Variants in HIVEP2 observed in about 807,000 individuals in gnomAD.
HIVEP2 encodes transcription factor HIVEP2.
A neutral mutation model predicts 180.7 loss-of-function variants in HIVEP2; 14 were observed. That is an observed-to-expected ratio of 0.08 (90% CI 0.05 to 0.12). The LOEUF (loss-of-function observed/expected upper bound fraction) is 0.12. Ranked by LOEUF, HIVEP2 falls within the 10% of genes least tolerant of loss-of-function variation. The pLI is 1.00. For synonymous variants in HIVEP2, 1,184 were observed against 1,136.4 expected (o/e 1.04, Z -0.84); for missense variants, 2,579 against 3,008.5 (o/e 0.86, Z 3.34).
At chr6:142,811,132 C>T (rs887417937) in intron 2 of HIVEP2, among the ~76,000 whole-genome samples, 4 of 152,146 alleles carry the variant, frequency 2.6e-5, no homozygotes, top group Admixed American at 6.5e-5. Context: ...ATTCAAAGAA[C>T]AGTACATCAG....
At chr6:142,817,380 G>T (rs779047151) in intron 2 of HIVEP2, among the ~76,000 whole-genome samples, 1 of 152,118 alleles carries the variant, frequency 6.6e-6, no homozygotes, top group Non-Finnish European at 1.5e-5. Context: ...ATCTCATTTG[G>T]AGACGACCAG....
intron 1 of HIVEP2, among the ~76,000 whole-genome samples, chr6:142,876,425 G>C (rs1426745986): frequency 1.3e-5 from 2 of 152,090 alleles, no homozygotes; most frequent in African/African-American, 4.8e-5. Context: ...TGCTAAAAGA[G>C]AGTTATTGTA....
chr6:142,937,503 T>A (rs1413118933), intron 1 of HIVEP2, among the ~76,000 whole-genome samples: 1 of 152,122 alleles, frequency 6.6e-6, no homozygotes, highest in Non-Finnish European at 1.5e-5. Flanking sequence ...ATACCCAAAT[T>A]CCCCCAGGTG....
intron 1 of HIVEP2, among the ~76,000 whole-genome samples, chr6:142,859,559 C>T (rs62430712): frequency 0.18 from 26,887 of 151,222 alleles, 2,558 homozygotes; most frequent in South Asian, 0.22. Context: ...TGAGGCAGGA[C>T]GCGGTGGCTC....
chr6:142,842,281 A>T (rs1375376640), intron 1 of HIVEP2, among the ~76,000 whole-genome samples: 1 of 152,204 alleles, frequency 6.6e-6, no homozygotes, highest in Non-Finnish European at 1.5e-5. Context: ...AAAATATGTT[A>T]AACCTAAGTT....
upstream of HIVEP2, chr6:142,945,285 C>G: frequency 6.6e-6 from 1 of 152,462 alleles, no homozygotes; most frequent in Non-Finnish European, 1.5e-5. This position sits in a 1 kb window ranked among gnomAD's most constrained non-coding sequence, Gnocchi z 5.5. Context: ...GGGTATTCCC[C>G]GCATTTCCCC....
rs1775506684 is a variant in HIVEP2 at position 142,770,624 on chromosome 6, T to C, written c.4115A>G (p.Asn1372Ser). 1 of 1,614,248 alleles carries C rather than the reference T, an allele frequency of 6.2e-7. No individual in the cohort carries two copies. The highest frequency in any genetic ancestry group is 1.1e-5 in the South Asian group (1 of 91,088). The change falls in exon 5 of 10, where the codon AAT (asparagine) becomes AGT (serine). Residue 1372 changes from asparagine (N) to serine (S), a missense_variant. This residue lies in a region of HIVEP2 where 523 missense variants were observed against 577.0 expected (regional missense o/e 0.91). Coordinates refer to ENST00000367603, the MANE Select transcript of HIVEP2 (RefSeq NM_006734.4). This position sits in a 1 kb window ranked among gnomAD's most constrained non-coding sequence, Gnocchi z 4.7. ...GGTGACCAGTGTCCTTTGGGTCATA[T>C]TCTCATCGACTTTGCATATGACAAT... ...PAIVICKVDENMTQRTLVTNA... is the reference protein window; with the variant it reads ...PAIVICKVDESMTQRTLVTNA...
intron 2 of HIVEP2, among the ~76,000 whole-genome samples, chr6:142,798,060 A>G (rs1210225618): frequency 2.0e-5 from 3 of 152,118 alleles, no homozygotes; most frequent in Non-Finnish European, 1.5e-5. Flanking sequence ...CTGAGAAGCC[A>G]TAAGGAATTC....
chr6:142,761,518 G>T lies in HIVEP2; in HGVS notation c.5566C>A (p.Leu1856Met). Reference sequence around the variant, plus strand: ...GATGTCATTGAGACTCCCAATTCCAGGCATTTTTTCATGTGTGCTTTAGAT... The same window carrying T: ...GATGTCATTGAGACTCCCAATTCCATGCATTTTTTCATGTGTGCTTTAGAT... ...MKSKAHMKKC[L>M]ELGVSMTSVD... The change falls in exon 8 of 10, where the codon CTG becomes ATG. Residue 1856 changes from leucine to methionine, a missense_variant. By Grantham distance (15) the Leu-to-Met change is conservative. Transcript: ENST00000367603. 2 of 1,610,578 alleles carry T rather than the reference G, an allele frequency of 1.2e-6. No individual in the cohort carries two copies. Among genetic ancestry groups the T allele is most frequent in the Non-Finnish European group, 1.7e-6 (2 of 1,177,242 alleles).
intron 9 of HIVEP2, among the ~76,000 whole-genome samples, chr6:142,756,797 T>TTATC (rs10660970): frequency 0.1 from 15,205 of 149,938 alleles, 761 homozygotes; most frequent in Non-Finnish European, 0.12. Flanking sequence ...AAAAGATACC[T>TTATC]TATCTATCTA....
chr6:142,899,760 C>T (rs1197755291), intron 1 of HIVEP2, among the ~76,000 whole-genome samples: 1 of 152,162 alleles, frequency 6.6e-6, no homozygotes, highest in African/African-American at 2.4e-5. Context: ...TCTCCCAGGC[C>T]TCTCATCAAT....
rs115651760 is a variant in HIVEP2 at position 142,816,537 on chromosome 6, A to C, written c.-528+20398T>G. ...CTGAAGTCGCTTTGGATTTCCTAGC[A>C]CTCTGCACAACAGGACACATAGACT... On this transcript the variant is annotated intron_variant, in intron 2 of 9. Coordinates refer to ENST00000367603, the MANE Select transcript of HIVEP2 (RefSeq NM_006734.4). Among the ~76,000 whole-genome samples, 457 of 152,236 alleles carry C rather than the reference A, an allele frequency of 3.0e-3. 1 individual carries two copies. Among genetic ancestry groups the C allele is most frequent in the South Asian group, 0.015 (74 of 4,822 alleles).
chr6:142,895,140 T>A (rs1013248796), intron 1 of HIVEP2, among the ~76,000 whole-genome samples: 12 of 152,336 alleles, frequency 7.9e-5, no homozygotes, highest in Admixed American at 7.2e-4. Context: ...ACTTGAACTT[T>A]AAATTTATAG....
At chr6:142,853,906 T>A (rs748810567) in intron 1 of HIVEP2, among the ~76,000 whole-genome samples, 18 of 152,068 alleles carry the variant, frequency 1.2e-4, no homozygotes, top group Non-Finnish European at 2.1e-4. Context: ...AAAGGGAGTG[T>A]CCTAGAATTG....
In HIVEP2 at chr6:142,761,484, T is replaced by A. The variant is rs764142193; in HGVS notation, c.5600A>T (p.Asp1867Val). 53 of 1,594,896 alleles carry A rather than the reference T, an allele frequency of 3.3e-5. No individual in the cohort carries two copies. The highest frequency in any genetic ancestry group is 4.4e-5 in the Non-Finnish European group (51 of 1,162,726). The change falls in exon 8 of 10, where the codon GAT (aspartate) becomes GTT (valine). Residue 1867 changes from aspartate (D) to valine (V), a missense_variant. Coordinates refer to ENST00000367603, the MANE Select transcript of HIVEP2 (RefSeq NM_006734.4). ...CACACCTGCTTCCTCAGTTTCTGTA[T>A]CATCCACCGATGTCATTGAGACTCC... ...ELGVSMTSVD[D>V]TETEEAENLE...
At chr6:142,815,713 A>G (rs891161582) in intron 2 of HIVEP2, among the ~76,000 whole-genome samples, 7 of 152,220 alleles carry the variant, frequency 4.6e-5, no homozygotes, top group African/African-American at 1.4e-4. Flanking sequence ...GCATTGTGCT[A>G]AGCGTTTCAC....
chr6:142,787,153 G>A (rs1438377978), intron 2 of HIVEP2, among the ~76,000 whole-genome samples: 1 of 152,060 alleles, frequency 6.6e-6, no homozygotes, highest in Non-Finnish European at 1.5e-5. Context: ...CTGCTTGGGA[G>A]GCTGAGGTAA....
chr6:142,801,860 A>G (rs1776420037), intron 2 of HIVEP2, among the ~76,000 whole-genome samples: 1 of 152,168 alleles, frequency 6.6e-6, no homozygotes, highest in African/African-American at 2.4e-5. Flanking sequence ...TTAAGTTCCA[A>G]CATAGTTCAT....
rs771821872 is a variant in HIVEP2, at chr6:142,774,587, T to A, written c.152A>T (p.Glu51Val). Residue 51 changes from glutamate to valine, a missense_variant, in exon 5 of 10, where the codon GAG (glutamate) becomes GTG (valine). By Grantham distance (121) the Glu-to-Val change is moderately radical. This residue lies in a region of HIVEP2 where 207 missense variants were observed against 210.1 expected (regional missense o/e 0.99). Transcript: ENST00000367603. This position sits in a 1 kb window ranked among gnomAD's most constrained non-coding sequence, Gnocchi z 5.1. ...TGCTGTGTTTCCGATTTGCTCAGGC[T>A]CTATTTGTGGTTGCCGCTGTCCTTC... ...SHEGQRQPQI[E>V]PEQIGNTASA... The A allele has an allele frequency of 6.2e-7, 1 of 1,614,198 alleles. No individual in the cohort carries two copies. The highest frequency in any genetic ancestry group is 8.5e-7 in the Non-Finnish European group (1 of 1,180,044).
Sources: allele counts gnomAD v4.1 joint callset (sites outside exome capture counted in the v4.1 genomes callset), GRCh38; gene constraint gnomAD v4.1.1; regional missense constraint gnomAD v4.1.1; non-coding constraint Gnocchi (gnomAD v3.1); transcripts MANE v1.5; gene names NCBI Gene and HGNC (gene_info 2026-07-23, HGNC 2026-07-21).